XKR6: variants seen among roughly 807,000 people sequenced by gnomAD.
XKR6 encodes XK-related protein 6.
XKR6 carries 22 observed loss-of-function variants against 56.7 expected under a neutral mutation model. The observed-to-expected ratio is 0.39, with a 90% confidence interval of 0.28 to 0.55. The LOEUF (loss-of-function observed/expected upper bound fraction) is 0.55, where lower values mean the gene tolerates loss of function less well. Ranked by LOEUF, XKR6 falls within the 20% of genes least tolerant of loss-of-function variation. The probability of loss-of-function intolerance (pLI) is 0.66; values close to 1 mark genes in which losing one functional copy is unlikely to be tolerated. For missense variants in XKR6, 852 were observed against 889.0 expected (o/e 0.96, Z 0.53); for synonymous variants, 524 against 387.8 (o/e 1.35, Z -4.13).
chr8:11,144,219 A>T (rs1411571849), intron 1 of XKR6, among the ~76,000 whole-genome samples: 1 of 97,592 alleles, frequency 1.0e-5, no homozygotes, highest in Non-Finnish European at 2.0e-5. Flanking sequence ...TGTTTTAAAT[A>T]AAAAGTGTGT....
chr8:11,043,347 G>A (rs1194185212), intron 1 of XKR6, among the ~76,000 whole-genome samples: 1 of 152,052 alleles, frequency 6.6e-6, no homozygotes, highest in African/African-American at 2.4e-5. Flanking sequence ...CTAAGCGGCT[G>A]GATGGCTGCA....
At chr8:11,141,137 A>T (rs1433646073) in intron 1 of XKR6, among the ~76,000 whole-genome samples, 1 of 152,204 alleles carries the variant, frequency 6.6e-6, no homozygotes, top group Non-Finnish European at 1.5e-5. Context: ...AACAGATGCA[A>T]AAGACTTTAA....
intron 1 of XKR6, among the ~76,000 whole-genome samples, chr8:11,049,313 T>TC (rs1473730413): frequency 2.6e-5 from 4 of 152,132 alleles, no homozygotes; most frequent in Non-Finnish European, 4.4e-5. Flanking sequence ...CTCTATCTGT[T>TC]CCCCCTTTTC....
In XKR6 at chr8:11,188,874, G is replaced by A. The variant is rs138058423; in HGVS notation, c.764+11702C>T. Among the ~76,000 whole-genome samples the A allele has an allele frequency of 1.6e-4, 25 of 152,138 alleles. No homozygotes were observed. In the East Asian group the frequency reaches 4.4e-3, roughly 27 times the overall value. The stretch of plus-strand genomic sequence containing the variant: ...TGAGCTTCTCCGTTACAAGGTTCTC[G>A]GATTTTCTCACCATCCCCATGTACA... On this transcript the variant is annotated intron_variant, in intron 1 of 2. Coordinates refer to ENST00000416569, the MANE Select transcript of XKR6 (RefSeq NM_173683.4).
intron 2 of XKR6, among the ~76,000 whole-genome samples, chr8:10,910,513 A>C (rs532155643): frequency 6.6e-6 from 1 of 152,264 alleles, no homozygotes; most frequent in African/African-American, 2.4e-5. Context: ...AATCTTCAGC[A>C]CTGGTCCCAA....
intron 2 of XKR6, among the ~76,000 whole-genome samples, chr8:10,912,589 T>C (rs1462776044): frequency 6.9e-6 from 1 of 144,246 alleles, no homozygotes; most frequent in South Asian, 2.2e-4. Context: ...TGTGCATATA[T>C]ATATGTAGAG....
chr8:11,078,227 A>G (rs1217976394), intron 1 of XKR6, among the ~76,000 whole-genome samples: 1 of 152,166 alleles, frequency 6.6e-6, no homozygotes, highest in Non-Finnish European at 1.5e-5. Flanking sequence ...AAGAACTGAC[A>G]CTTATTGAAT....
chr8:11,113,160 G>A (rs924516771), intron 1 of XKR6, among the ~76,000 whole-genome samples: 4 of 152,154 alleles, frequency 2.6e-5, no homozygotes, highest in African/African-American at 9.7e-5. Context: ...TACTATATTT[G>A]TTATTAATGC....
chr8:10,959,327 A>T (rs1801992502), intron 1 of XKR6, among the ~76,000 whole-genome samples: 1 of 152,052 alleles, frequency 6.6e-6, no homozygotes, highest in Non-Finnish European at 1.5e-5. Context: ...GGTCACAGAG[A>T]CCACCTCTGG....
At chr8:10,950,416 G>A (rs989433973) in intron 1 of XKR6, among the ~76,000 whole-genome samples, 1 of 152,206 alleles carries the variant, frequency 6.6e-6, no homozygotes, top group Admixed American at 6.5e-5. Context: ...GAGAGTGACT[G>A]TGGCAGAGAT....
At chr8:11,092,156 C>T (rs1380967847) in intron 1 of XKR6, among the ~76,000 whole-genome samples, 1 of 152,182 alleles carries the variant, frequency 6.6e-6, no homozygotes, top group Non-Finnish European at 1.5e-5. Context: ...CAAATGACCT[C>T]ATGCCAAACT....
intron 1 of XKR6, among the ~76,000 whole-genome samples, chr8:10,943,536 C>T (rs561492529): frequency 1.3e-5 from 2 of 152,256 alleles, no homozygotes; most frequent in African/African-American, 4.8e-5. Context: ...AGATCCATCC[C>T]TGTGTAGGGC....
intron 1 of XKR6, among the ~76,000 whole-genome samples, chr8:11,100,124 T>C (rs1416071138): frequency 1.3e-5 from 2 of 152,154 alleles, no homozygotes; most frequent in Non-Finnish European, 2.9e-5. Flanking sequence ...CAATCTCAGC[T>C]CACTGCAGTC....
intron 1 of XKR6, among the ~76,000 whole-genome samples, chr8:11,179,020 C>CTTTT (rs35214787): frequency 1.9e-5 from 2 of 104,520 alleles, no homozygotes; most frequent in East Asian, 2.2e-4. Flanking sequence ...TTTTCTTTTT[C>CTTTT]TTTTTTTTTT....
chr8:11,108,597 GGCAGCCCTTT>G, intron 1 of XKR6: 1 of 326,282 alleles, frequency 3.1e-6, no homozygotes, highest in South Asian at 2.5e-5. Context: ...GTGCTTCTGG[GGCAGCCCTTT>G]GCAGAGAGTT....
intron 1 of XKR6, among the ~76,000 whole-genome samples, chr8:11,095,075 A>C (rs541230176): frequency 3.9e-5 from 6 of 152,224 alleles, no homozygotes; most frequent in Non-Finnish European, 7.3e-5. Flanking sequence ...GGCTGATACA[A>C]AGGCAAATTT....
intron 1 of XKR6, among the ~76,000 whole-genome samples, chr8:11,186,169 T>C (rs1427051139): frequency 1.3e-5 from 2 of 151,944 alleles, no homozygotes; most frequent in Admixed American, 6.5e-5. Context: ...TACACACACA[T>C]AGACACATTC....
intron 1 of XKR6, among the ~76,000 whole-genome samples, chr8:11,179,023 T>G (rs1330340886): frequency 2.0e-4 from 29 of 143,202 alleles, no homozygotes; most frequent in Admixed American, 2.0e-3. Flanking sequence ...TCTTTTTCTT[T>G]TTTTTTTTTT....
chr8:11,108,374 G>A (rs779299282), intron 1 of XKR6: 2 of 455,562 alleles, frequency 4.4e-6, no homozygotes, highest in South Asian at 1.6e-5. Flanking sequence ...CACATGTTAC[G>A]CTGTAAATCT....
Sources: gnomAD v4.1 joint callset for allele counts (sites outside exome capture counted in the v4.1 genomes callset) on GRCh38, gnomAD v4.1.1 for gene constraint, MANE v1.5 for transcripts, NCBI Gene and HGNC (gene_info 2026-07-23, HGNC 2026-07-21) for gene names.